The following ZNF787 variants were observed in gnomAD, a reference collection of about 807,000 sequenced individuals.
The protein encoded by ZNF787 is TTF-I-interacting peptide 20.
A neutral mutation model predicts 16.9 loss-of-function variants in ZNF787; 7 were observed. The ratio of observed to expected loss-of-function variants is 0.42; its 90% CI spans 0.24 to 0.78. ZNF787 has a LOEUF of 0.78. Among genes scored for constraint, ZNF787 ranks in the 30% least tolerant of loss-of-function variants. ZNF787 has a pLI of 0.30. For synonymous variants in ZNF787, 345 were observed against 270.9 expected, an observed-to-expected ratio of 1.27 and a Z score of -2.69; for missense variants, 551 against 589.3, an observed-to-expected ratio of 0.94 and a Z score of 0.67.
chr19:56,097,038 C>T (rs960063374), intron 2 of ZNF787, among the ~76,000 whole-genome samples: 3 of 152,166 alleles, frequency 2.0e-5, no homozygotes, highest in Non-Finnish European at 4.4e-5. Context: ...AGCCATGGGT[C>T]TCACCCTCCT....
intron 1 of ZNF787, among the ~76,000 whole-genome samples, chr19:56,111,418 T>G (rs1244562964): frequency 6.6e-6 from 1 of 152,118 alleles, no homozygotes; most frequent in African/African-American, 2.4e-5. Flanking sequence ...GGCTTGGTGC[T>G]GGGGGCTCCT....
intron 1 of ZNF787, among the ~76,000 whole-genome samples, chr19:56,119,970 G>A (rs954921865): frequency 1.6e-5 from 1 of 62,582 alleles, no homozygotes; most frequent in African/African-American, 3.1e-5. Context: ...CTGGGAGCAG[G>A]ACACCGCAAA....
At position 56,108,207 on chromosome 19, in the gene ZNF787, G is replaced by A. The variant is rs187943344; in HGVS notation, c.-10-4980C>T. Reference sequence around the variant, plus strand: ...GCCCTGCCAGGAGGCGCCGCTCCCCGCTCTCTCCACCCAGCCCCTGCCCAG... The same window carrying A: ...GCCCTGCCAGGAGGCGCCGCTCCCCACTCTCTCCACCCAGCCCCTGCCCAG... On this transcript the variant is annotated intron_variant, in intron 1 of 2. Coordinates refer to ENST00000610935, the MANE Select transcript of ZNF787 (RefSeq NM_001002836.4). 7.6e-3 allele frequency among the ~76,000 whole-genome samples: 1,155 copies of A among 151,866 alleles called. 21 individuals are homozygous for A. Among genetic ancestry groups the A allele is most frequent in the African/African-American group, 0.026 (1,089 of 41,356 alleles).
At chr19:56,121,038 G>C (rs868582785) in intron 1 of ZNF787, 134 bp downstream of exon 1, 1 of 78,332 alleles carries the variant, frequency 1.3e-5, no homozygotes, top group African/African-American at 5.0e-5. Flanking sequence ...CGCCCCCCCA[G>C]CAGCGCGCAC....
At chr19:56,119,785 G>A (rs2030233462) in intron 1 of ZNF787, among the ~76,000 whole-genome samples, 1 of 152,252 alleles carries the variant, frequency 6.6e-6, no homozygotes, top group Non-Finnish European at 1.5e-5. Flanking sequence ...GAGGCCGTGC[G>A]TGGCCGGAGG....
intron 2 of ZNF787, among the ~76,000 whole-genome samples, chr19:56,090,545 G>A (rs897742186): frequency 2.0e-5 from 3 of 152,092 alleles, no homozygotes; most frequent in Admixed American, 6.5e-5. Flanking sequence ...TGCACTGCCC[G>A]GAGCGGTGGC....
chr19:56,101,916 C>T (rs1281547197), intron 2 of ZNF787: 1 of 152,198 alleles, frequency 6.6e-6, no homozygotes, highest in Non-Finnish European at 1.5e-5. Flanking sequence ...GGGATGGCAA[C>T]CACCCACTGA....
intron 2 of ZNF787, among the ~76,000 whole-genome samples, chr19:56,099,529 G>A (rs7254130): frequency 0.57 from 86,632 of 151,788 alleles, 28,523 homozygotes; most frequent in South Asian, 0.82. Flanking sequence ...TGGCCAACAC[G>A]GTGAAACCCA....
intron 1 of ZNF787, among the ~76,000 whole-genome samples, chr19:56,108,206 C>T (rs1032544036): frequency 9.9e-5 from 15 of 152,032 alleles, no homozygotes; most frequent in African/African-American, 3.4e-4. Context: ...CGCCGCTCCC[C>T]GCTCTCTCCA....
Position 56,087,585 on chromosome 19 carries a change from TC to T in ZNF787, c.*437del, listed in dbSNP as rs1985309393. 1 of 142,742 alleles carries T rather than the reference TC, an allele frequency of 7.0e-6. No homozygotes were observed. The highest frequency in any genetic ancestry group is 2.8e-5 in the African/African-American group (1 of 36,134). 8.8% of individuals were successfully genotyped at this position (142,742 alleles called of 1,614,324 possible). On this transcript the variant is annotated 3_prime_UTR_variant, in exon 3 of 3. Coordinates refer to ENST00000610935, the MANE Select transcript of ZNF787 (RefSeq NM_001002836.4). Reference sequence around the variant, plus strand: ...AAAGGTGGGCTGATTAAAAGAAAATTCTAAAAGAGAAAAGGGCCCCTGGTTC... The same window carrying T: ...AAAGGTGGGCTGATTAAAAGAAAATTTAAAAGAGAAAAGGGCCCCTGGTTC...
At chr19:56,102,722 G>A (rs1425058613) in intron 2 of ZNF787, 5 of 573,198 alleles carry the variant, frequency 8.7e-6, no homozygotes, top group Non-Finnish European at 1.6e-5. Flanking sequence ...CTGCGCTCCT[G>A]GGCCACCCCT....
At chr19:56,115,997 C>A (rs540429733) in intron 1 of ZNF787, among the ~76,000 whole-genome samples, 2 of 152,082 alleles carry the variant, frequency 1.3e-5, no homozygotes, top group African/African-American at 4.8e-5. Context: ...ATCAGGTGTC[C>A]GTGTAGGTTC....
At chr19:56,096,758 G>C (rs575243818) in intron 2 of ZNF787, among the ~76,000 whole-genome samples, 2 of 152,244 alleles carry the variant, frequency 1.3e-5, no homozygotes, top group East Asian at 3.9e-4. Context: ...AAAATAAAGA[G>C]AGATGAGGGT....
At chr19:56,093,187 T>G (rs1599941395) in intron 2 of ZNF787, among the ~76,000 whole-genome samples, 1 of 148,682 alleles carries the variant, frequency 6.7e-6, no homozygotes, top group Non-Finnish European at 1.5e-5. Context: ...ATGGCGGAAG[T>G]GGGATATCCC....
intron 1 of ZNF787, 32 bp from the exon 2 acceptor site, chr19:56,103,259 G>A: frequency 6.6e-7 from 1 of 1,513,904 alleles, no homozygotes; most frequent in Non-Finnish European, 8.9e-7. Context: ...GAAGGACAGA[G>A]TTTATGGGGT....
Position 56,088,319 on chromosome 19 carries a change from A to C in ZNF787, c.853T>G (p.Cys285Gly). Reference sequence around the variant, plus strand: ...GCCCCGTGCCCGAAGCCCTTCCCGCACTCCAGACACACGTACGGCTTGGGG... The same window carrying C: ...GCCCCGTGCCCGAAGCCCTTCCCGCCCTCCAGACACACGTACGGCTTGGGG... Reference protein sequence around the residue: ...PAPKPYVCLECGKGFGHGAGL... With the variant: ...PAPKPYVCLEGGKGFGHGAGL... Residue 285 changes from cysteine to glycine, a missense_variant, in exon 3 of 3, where the codon TGC becomes GGC. By Grantham distance (159) the Cys-to-Gly change is radical. Coordinates refer to ENST00000610935, the MANE Select transcript of ZNF787 (RefSeq NM_001002836.4). The surrounding 1 kb of genome is among the most constrained non-coding windows in gnomAD (Gnocchi z 8.6). 7.7e-7 allele frequency: 1 copy of C among 1,303,258 alleles called. No homozygotes were observed. The highest frequency in any genetic ancestry group is 9.7e-7 in the Non-Finnish European group (1 of 1,027,600). 80.7% of individuals were successfully genotyped at this position (1,303,258 alleles called of 1,614,324 possible). A position where few individuals can be genotyped will look rare whatever the true frequency, so the allele number is the denominator to read the frequency against.
Position 56,111,533 on chromosome 19 carries a change from G to C in ZNF787, c.-10-8306C>G, listed in dbSNP as rs115020054. ...CAGGAAAGGAAGATGCTTTTTTCCT[G>C]CCTTTTAGCATAAGGGTCCACAAAT... On this transcript the variant is annotated intron_variant, in intron 1 of 2. Coordinates refer to ENST00000610935, the MANE Select transcript of ZNF787 (RefSeq NM_001002836.4). Among the ~76,000 whole-genome samples, 527 of 152,046 alleles carry C rather than the reference G, an allele frequency of 3.5e-3. 3 individuals are homozygous for C. The highest frequency in any genetic ancestry group is 0.012 in the African/African-American group (508 of 41,466).
chr19:56,111,127 A>G (rs969409605), intron 1 of ZNF787, among the ~76,000 whole-genome samples: 4 of 152,228 alleles, frequency 2.6e-5, no homozygotes, highest in Non-Finnish European at 5.9e-5. Context: ...TATGTGGCCC[A>G]CTGCAGAGAG....
intron 2 of ZNF787, among the ~76,000 whole-genome samples, chr19:56,089,298 A>G (rs1053056260): frequency 2.6e-5 from 4 of 151,834 alleles, no homozygotes; most frequent in African/African-American, 9.7e-5. Flanking sequence ...GTGAGTTAAG[A>G]CCCTCAGTTT....
Sources: gnomAD v4.1 joint callset for allele counts (sites outside exome capture counted in the v4.1 genomes callset) on GRCh38, gnomAD v4.1.1 for gene constraint, Gnocchi (gnomAD v3.1) non-coding constraint, MANE v1.5 for transcripts, NCBI Gene and HGNC (gene_info 2026-07-23, HGNC 2026-07-21) for gene names.